Variants in TPX2 observed in about 807,000 individuals in gnomAD.
TPX2 encodes the protein targeting protein for Xklp2.
A neutral mutation model predicts 93.6 loss-of-function variants in TPX2; 21 were observed. The ratio of observed to expected loss-of-function variants is 0.22; its 90% CI spans 0.16 to 0.32. The LOEUF is 0.32. Ranked by LOEUF, TPX2 falls within the 10% of genes least tolerant of loss-of-function variation. The probability of loss-of-function intolerance (pLI) is 1.00; values close to 1 mark genes in which losing one functional copy is unlikely to be tolerated. For missense variants in TPX2, 776 were observed against 871.1 expected, an observed-to-expected ratio of 0.89 and a Z score of 1.37; for synonymous variants, 281 against 298.3, an observed-to-expected ratio of 0.94 and a Z score of 0.60.
intron 17 of TPX2, among the ~76,000 whole-genome samples, chr20:31,800,557 T>C (rs1208381519): frequency 6.6e-6 from 1 of 152,206 alleles, no homozygotes; most frequent in African/African-American, 2.4e-5. Flanking sequence ...TTCCCCAGGA[T>C]TCAGGCTTTT....
At chr20:31,776,604 C>T (rs1020473154) in intron 8 of TPX2, among the ~76,000 whole-genome samples, 1 of 151,904 alleles carries the variant, frequency 6.6e-6, no homozygotes, top group Admixed American at 6.6e-5. Context: ...CCGCTCAACA[C>T]AACCTCTGCC....
chr20:31,798,806 C>G (rs1302262696), intron 17 of TPX2, among the ~76,000 whole-genome samples: 2 of 152,184 alleles, frequency 1.3e-5, no homozygotes, highest in Non-Finnish European at 2.9e-5. Context: ...AGTTACAAAA[C>G]TCGCAGTGTT....
intron 12 of TPX2, among the ~76,000 whole-genome samples, chr20:31,791,165 GCTA>G (rs1302299741): frequency 6.6e-6 from 1 of 152,122 alleles, no homozygotes; most frequent in East Asian, 1.9e-4. Context: ...CCAGATTAAT[GCTA>G]CTACTAAGGA....
chr20:31,770,898 C>CTTT (rs35680390), intron 6 of TPX2, among the ~76,000 whole-genome samples: 1 of 120,282 alleles, frequency 8.3e-6, no homozygotes, highest in African/African-American at 3.0e-5. Flanking sequence ...TGATTTTTAG[C>CTTT]TTTTTTTTTT....
intron 2 of TPX2, among the ~76,000 whole-genome samples, chr20:31,754,729 G>A (rs922917298): frequency 2.6e-5 from 4 of 152,122 alleles, no homozygotes; most frequent in African/African-American, 9.7e-5. Flanking sequence ...TGCTTTAGCA[G>A]TATCTTTAAA....
intron 4 of TPX2, among the ~76,000 whole-genome samples, chr20:31,764,966 T>G (rs574373557): frequency 2.4e-4 from 36 of 151,854 alleles, no homozygotes; most frequent in African/African-American, 8.0e-4. Flanking sequence ...TTTTGTTTTT[T>G]TTTTTGCAGA....
Position 31,776,062 on chromosome 20 carries a change from T to G in TPX2, c.730+74T>G, listed in dbSNP as rs1023320793. 1.4e-4 allele frequency: 67 copies of G among 464,738 alleles called. No homozygotes were observed. The African/African-American group carries it at 4.2e-3, about 29-fold the overall frequency. The allele number at this position is 464,738 out of a possible 1,614,324, so 28.8% of individuals were successfully genotyped here. ...ACTCTTGGTAGGTGTTTTTTTTTTT[T>G]TTTTTTTTTTTTTTTTTTTTTTTTT... On this transcript the variant is annotated intron_variant, in intron 8 of 17. Coordinates refer to ENST00000300403, the MANE Select transcript of TPX2 (RefSeq NM_012112.5).
chr20:31,798,580 C>T (rs1362295409), intron 17 of TPX2, 28 bp downstream of exon 17: 4 of 1,567,386 alleles, frequency 2.6e-6, no homozygotes, highest in African/African-American at 1.4e-5. Flanking sequence ...CACTGACGAA[C>T]ACAAACATGC....
intron 7 of TPX2, 146 bp downstream of exon 7, chr20:31,771,828 G>A: frequency 1.3e-6 from 1 of 795,222 alleles, no homozygotes; most frequent in Non-Finnish European, 1.9e-6. Flanking sequence ...TGTCCTGATG[G>A]GTGCTCAGAT....
At chr20:31,741,655 A>G (rs1327120806) in intron 1 of TPX2, among the ~76,000 whole-genome samples, 2 of 151,856 alleles carry the variant, frequency 1.3e-5, no homozygotes, top group Non-Finnish European at 2.9e-5. Flanking sequence ...GTTTTTTTGT[A>G]TTTTTAATAG....
intron 2 of TPX2, among the ~76,000 whole-genome samples, chr20:31,744,902 C>T (rs1337771649): frequency 2.0e-5 from 3 of 152,092 alleles, no homozygotes; most frequent in African/African-American, 7.2e-5. Context: ...GCCTGGCTAA[C>T]ATGGTGAAAC....
intron 8 of TPX2, among the ~76,000 whole-genome samples, chr20:31,777,285 G>T (rs908644464): frequency 2.6e-5 from 4 of 152,132 alleles, no homozygotes; most frequent in Non-Finnish European, 4.4e-5. Context: ...CTGACTGAAA[G>T]GCCTCAAACC....
chr20:31,799,041 A>C (rs966244826), intron 17 of TPX2, among the ~76,000 whole-genome samples: 1 of 152,250 alleles, frequency 6.6e-6, no homozygotes, highest in Non-Finnish European at 1.5e-5. Context: ...ACAAGAATAC[A>C]TAGCGAAGGA....
At chr20:31,783,549 C>G (rs2062047525) in intron 11 of TPX2, among the ~76,000 whole-genome samples, 156 bp from the exon 12 acceptor site, 2 of 152,102 alleles carry the variant, frequency 1.3e-5, no homozygotes, top group Admixed American at 1.3e-4. Flanking sequence ...CCGTGCCTGG[C>G]CCATTGTTTT....
intron 2 of TPX2, among the ~76,000 whole-genome samples, chr20:31,753,691 G>T (rs1487076230): frequency 2.6e-5 from 4 of 152,150 alleles, no homozygotes; most frequent in Non-Finnish European, 5.9e-5. Context: ...GTTCTCTGGG[G>T]TCTAGATTGA....
Position 31,779,001 on chromosome 20 carries a change from T to C in TPX2, c.1054+17T>C. 6.4e-7 allele frequency: 1 copy of C among 1,552,556 alleles called. No homozygotes were observed. Among genetic ancestry groups the C allele is most frequent in the Non-Finnish European group, 8.7e-7 (1 of 1,153,832 alleles). ...ATGATATTAGTAAGTTTCCTACCAG[T>C]ATCACAGTTGGATGGAACCTCTCCT... On this transcript the variant is annotated intron_variant, in intron 10 of 17. Transcript: ENST00000300403.
chr20:31,786,287 C>G (rs1179522554), intron 12 of TPX2, among the ~76,000 whole-genome samples: 1 of 150,486 alleles, frequency 6.6e-6, no homozygotes, highest in African/African-American at 2.4e-5. Flanking sequence ...TAGAGGTTAC[C>G]TTTTAAAATA....
chr20:31,777,082 A>G (rs1336771179), intron 8 of TPX2, among the ~76,000 whole-genome samples: 2 of 152,172 alleles, frequency 1.3e-5, no homozygotes, highest in African/African-American at 2.4e-5. Flanking sequence ...AGTTCTCCTT[A>G]CTGGATTGAA....
chr20:31,788,149 GC>G (rs1479055158), intron 12 of TPX2, among the ~76,000 whole-genome samples: 1 of 152,116 alleles, frequency 6.6e-6, no homozygotes, highest in African/African-American at 2.4e-5. Context: ...AGGCGCGGTG[GC>G]TCACGCCTGT....
Sources: gnomAD v4.1 joint callset for allele counts (sites outside exome capture counted in the v4.1 genomes callset) on GRCh38, gnomAD v4.1.1 for gene constraint, MANE v1.5 for transcripts, NCBI Gene and HGNC (gene_info 2026-07-23, HGNC 2026-07-21) for gene names.